ATP1B2: variants seen among roughly 807,000 people sequenced by gnomAD.
ATP1B2 encodes the protein sodium/potassium-transporting ATPase subunit beta-2.
Under a neutral mutation model 37.3 loss-of-function variants are expected in ATP1B2, and 12 were observed. The observed-to-expected ratio is 0.32, with a 90% CI of 0.21 to 0.52. The LOEUF is 0.52. Ranked by LOEUF, ATP1B2 falls within the 20% of genes least tolerant of loss-of-function variation. The pLI is 0.96. For missense variants in ATP1B2, 324 were observed against 391.6 expected (o/e 0.83, Z 1.46); for synonymous variants, 139 against 140.5 (o/e 0.99, Z 0.07).
rs1001012398 is a variant in ATP1B2 at position 7,655,724 on chromosome 17, G to C, written c.709-7G>C. The C allele has an allele frequency of 1.9e-6, 3 of 1,614,016 alleles. No homozygotes were observed. The South Asian group carries it at 3.3e-5, about 18-fold the overall frequency. ...GGCCTAGACCCTGCACTGCTCCTCC[G>C]GCCCAGGTGAACTACACACAGCCCC... On this transcript the variant is annotated splice_polypyrimidine_tract_variant and splice_region_variant and intron_variant, in intron 6 of 6. Coordinates refer to ENST00000250111, the MANE Select transcript of ATP1B2 (RefSeq NM_001678.5). The surrounding 1 kb of genome is among the most constrained non-coding windows in gnomAD (Gnocchi z 4.4).
chr17:7,647,812 C>G (rs2072583746), upstream of ATP1B2, among the ~76,000 whole-genome samples: 1 of 120,412 alleles, frequency 8.3e-6, no homozygotes, highest in Non-Finnish European at 1.9e-5. Flanking sequence ...GAGTGAGACT[C>G]CGTCTCAAAA....
Position 7,651,340 on chromosome 17 carries a change from C to T in ATP1B2, c.-179C>T, listed in dbSNP as rs544366370. The stretch of plus-strand genomic sequence containing the variant: ...CATCTTCCGCCGCGCTGCCAGCACC[C>T]CGCAGCGCGTGGTCGTGCACCCCGG... On this transcript the variant is annotated 5_prime_UTR_variant, in exon 1 of 7. Transcript: ENST00000250111. 24 of 604,678 alleles carry T rather than the reference C, an allele frequency of 4.0e-5. No homozygotes were observed. In the South Asian group the frequency reaches 4.6e-4, roughly 12 times the overall value. 37.5% of individuals were successfully genotyped at this position (604,678 alleles called of 1,614,324 possible). A position where few individuals can be genotyped will look rare whatever the true frequency, so the allele number is the denominator to read the frequency against.
In ATP1B2 at chr17:7,653,911, C is replaced by T. The variant is rs368146020; in HGVS notation, c.312C>T (p.Asp104=). ...IVNVSDTESW[D]QHVQKLNKFL... ...ATGTCAGTGACACTGAAAGCTGGGACCAGCATGTTCAGAAGCTCAACAAGT... is the reference window on the plus strand; with the variant it reads ...ATGTCAGTGACACTGAAAGCTGGGATCAGCATGTTCAGAAGCTCAACAAGT... The change falls in exon 3 of 7, where the codon GAC becomes GAT. Residue 104 remains aspartate (D), a synonymous_variant. Transcript: ENST00000250111. 10 of 1,614,020 alleles carry T rather than the reference C, an allele frequency of 6.2e-6. No individual in the cohort carries two copies. Among genetic ancestry groups the T allele is most frequent in the Non-Finnish European group, 8.5e-6 (10 of 1,180,038 alleles).
Position 7,651,581 on chromosome 17 carries a change from G to T in ATP1B2, c.63G>T (p.Val21=), listed in dbSNP as rs2072613165. Reference sequence around the variant, plus strand: ...TGGTTGAGGAGTGGAAGGAGTTCGTGTGGAACCCGAGGACGCACCAGTTTA... The same window carrying T: ...TGGTTGAGGAGTGGAAGGAGTTCGTTTGGAACCCGAGGACGCACCAGTTTA... ...GQVVEEWKEF[V]WNPRTHQFMG... is the part of the protein sequence containing the mutation. The change falls in exon 1 of 7, where the codon GTG becomes GTT. Residue 21 remains valine (V), a synonymous_variant. Coordinates refer to ENST00000250111, the MANE Select transcript of ATP1B2 (RefSeq NM_001678.5). 2 of 1,608,322 alleles carry T rather than the reference G, an allele frequency of 1.2e-6. No individual in the cohort carries two copies. Among genetic ancestry groups the T allele is most frequent in the East Asian group, 2.2e-5 (1 of 44,558 alleles).
In ATP1B2 at chr17:7,653,501, G is replaced by C; in HGVS notation, c.240G>C (p.Pro80=). ...AGTACCAGGACCGACTGGCCACACCGGGTGAGTGTGGAGGCTCCCCCTGCC... is the reference window on the plus strand; with the variant it reads ...AGTACCAGGACCGACTGGCCACACCCGGTGAGTGTGGAGGCTCCCCCTGCC... The part of the protein sequence containing the change: ...TPKYQDRLAT[P]GLMIRPKTEN... Residue 80 remains proline, a splice_region_variant and synonymous_variant, in exon 2 of 7, where the codon CCG becomes CCC. Coordinates refer to ENST00000250111, the MANE Select transcript of ATP1B2 (RefSeq NM_001678.5). The C allele has an allele frequency of 6.2e-7, 1 of 1,613,966 alleles. No homozygotes were observed. The highest frequency in any genetic ancestry group is 8.5e-7 in the Non-Finnish European group (1 of 1,179,950).
upstream of ATP1B2, among the ~76,000 whole-genome samples, chr17:7,647,406 A>G (rs1408674548): frequency 6.6e-6 from 1 of 152,212 alleles, no homozygotes; most frequent in Non-Finnish European, 1.5e-5. Flanking sequence ...TCACACCTGC[A>G]ATCCTAGCAC....
Position 7,655,421 on chromosome 17 carries a change from A to T in ATP1B2, c.610-106A>T, listed in dbSNP as rs546513369. The T allele has an allele frequency of 1.4e-5, 15 of 1,104,226 alleles. No homozygotes were observed. In the South Asian group the frequency reaches 1.9e-4, roughly 14 times the overall value. The allele number at this position is 1,104,226 out of a possible 1,614,324, so 68.4% of individuals were successfully genotyped here. A position where few individuals can be genotyped will look rare whatever the true frequency, so the allele number is the denominator to read the frequency against. ...CCAGGGAGGCAGACTTGAGACAGGA[A>T]TAATTGGGGCGAAGGAAGAACAAAA... is the stretch of plus-strand genomic sequence containing the variant. On this transcript the variant is annotated intron_variant, in intron 5 of 6. Coordinates refer to ENST00000250111, the MANE Select transcript of ATP1B2 (RefSeq NM_001678.5). The surrounding 1 kb of genome is among the most constrained non-coding windows in gnomAD (Gnocchi z 4.4).
At chr17:7,653,338 C>A in intron 1 of ATP1B2, 36 bp from the exon 2 acceptor site, 2 of 1,612,994 alleles carry the variant, frequency 1.2e-6, no homozygotes, top group Non-Finnish European at 1.7e-6. Context: ...ATGGTGGGAA[C>A]CTTGGGCCCT....
At position 7,651,346 on chromosome 17, in the gene ATP1B2, C is replaced by T; in HGVS notation, c.-173C>T. 1 of 612,398 alleles carries T rather than the reference C, an allele frequency of 1.6e-6. No individual in the cohort carries two copies. The highest frequency in any genetic ancestry group is 2.9e-6 in the Non-Finnish European group (1 of 346,986). 37.9% of individuals were successfully genotyped at this position (612,398 alleles called of 1,614,324 possible). On this transcript the variant is annotated 5_prime_UTR_variant, in exon 1 of 7. Transcript: ENST00000250111. ...CCGCCGCGCTGCCAGCACCCCGCAG[C>T]GCGTGGTCGTGCACCCCGGAATCTG...
intron 1 of ATP1B2, among the ~76,000 whole-genome samples, chr17:7,652,799 G>T (rs969182456): frequency 6.6e-6 from 1 of 152,154 alleles, no homozygotes; most frequent in African/African-American, 2.4e-5. Context: ...TGAACTGAGG[G>T]TGGGGTGACT....
chr17:7,653,325 G>A, intron 1 of ATP1B2, 49 bp from the exon 2 acceptor site: 1 of 1,612,002 alleles, frequency 6.2e-7, no homozygotes, highest in Non-Finnish European at 8.5e-7. Flanking sequence ...GATAGTTGAG[G>A]TTATGGTGGG....
chr17:7,651,096 G>C lies in ATP1B2; in HGVS notation c.-423G>C. The C allele has an allele frequency of 5.0e-6, 1 of 199,448 alleles. No individual in the cohort carries two copies. The highest frequency in any genetic ancestry group is 1.8e-4 in the East Asian group (1 of 5,626). The allele number at this position is 199,448 out of a possible 1,614,324, so 12.4% of individuals were successfully genotyped here. A position where few individuals can be genotyped will look rare whatever the true frequency, so the allele number is the denominator to read the frequency against. Reference sequence around the variant, plus strand: ...ACAGCTTCTTTGCATCTTGGATTTCGGGGCGGCCCCCTCCCCCACCTCTCT... The same window carrying C: ...ACAGCTTCTTTGCATCTTGGATTTCCGGGCGGCCCCCTCCCCCACCTCTCT... On this transcript the variant is annotated 5_prime_UTR_variant, in exon 1 of 7. Transcript: ENST00000250111.
chr17:7,649,122 G>A (rs1009671059), upstream of ATP1B2, among the ~76,000 whole-genome samples: 7 of 152,130 alleles, frequency 4.6e-5, no homozygotes, highest in East Asian at 1.9e-4. Context: ...ACACAATCTC[G>A]GCTCACTGCA....
intron 1 of ATP1B2, among the ~76,000 whole-genome samples, chr17:7,651,879 G>A (rs1251976569): frequency 9.2e-6 from 1 of 108,494 alleles, no homozygotes; most frequent in East Asian, 3.0e-4. Flanking sequence ...GGGGTCGCCA[G>A]CTCCGCCTGC....
chr17:7,655,364 A>G lies in ATP1B2; in HGVS notation c.610-163A>G, dbSNP rs1054845218. 7.8e-5 allele frequency: 51 copies of G among 649,874 alleles called. No homozygotes were observed. Among genetic ancestry groups the G allele is most frequent in the Non-Finnish European group, 1.3e-4 (47 of 371,758 alleles). 40.3% of individuals were successfully genotyped at this position (649,874 alleles called of 1,614,324 possible). ...AGACCATCCCCTCATCTACACACGC[A>G]CATGCAGACACACACACACAGACTC... On this transcript the variant is annotated intron_variant, in intron 5 of 6. Transcript: ENST00000250111. This position sits in a 1 kb window ranked among gnomAD's most constrained non-coding sequence, Gnocchi z 4.4.
upstream of ATP1B2, among the ~76,000 whole-genome samples, chr17:7,648,095 C>T (rs1192586147): frequency 6.6e-6 from 1 of 151,794 alleles, no homozygotes; most frequent in Non-Finnish European, 1.5e-5. Context: ...CAAAAATTAG[C>T]CGGGCATGGT....
In ATP1B2 at chr17:7,655,826, C is replaced by T. The variant is rs368978805; in HGVS notation, c.804C>T (p.Ile268=). Residue 268 remains isoleucine (I), a synonymous_variant, in exon 7 of 7, where the codon ATC becomes ATT. Coordinates refer to ENST00000250111, the MANE Select transcript of ATP1B2 (RefSeq NM_001678.5). The surrounding 1 kb of genome is among the most constrained non-coding windows in gnomAD (Gnocchi z 4.4). ...NVECRINAAN[I]ATDDERDKFA... ...AATGTCGCATCAACGCCGCCAACATCGCCACAGACGATGAGCGAGACAAGT... is the reference window on the plus strand; with the variant it reads ...AATGTCGCATCAACGCCGCCAACATTGCCACAGACGATGAGCGAGACAAGT... 272 of 1,614,116 alleles carry T rather than the reference C, an allele frequency of 1.7e-4. 2 individuals carry two copies. In the South Asian group the frequency reaches 2.6e-3, roughly 15 times the overall value.
chr17:7,655,599 T>C lies in ATP1B2; in HGVS notation c.682T>C (p.Phe228Leu). Residue 228 changes from phenylalanine to leucine, a missense_variant, in exon 6 of 7, where the codon TTC (phenylalanine) becomes CTC (leucine). Physicochemically the swap from Phe to Leu is conservative, Grantham distance 22. Coordinates refer to ENST00000250111, the MANE Select transcript of ATP1B2 (RefSeq NM_001678.5). This position sits in a 1 kb window ranked among gnomAD's most constrained non-coding sequence, Gnocchi z 4.4. ...CAACGGCAACATCGACCTCATGTAC[T>C]TCCCCTACTATGGCAAAAAGTTCCA... Reference protein sequence around the residue: ...PANGNIDLMYFPYYGKKFHVN... With the variant: ...PANGNIDLMYLPYYGKKFHVN... The C allele has an allele frequency of 6.2e-7, 1 of 1,614,166 alleles. No homozygotes were observed. Among genetic ancestry groups the C allele is most frequent in the Non-Finnish European group, 8.5e-7 (1 of 1,180,034 alleles).
chr17:7,651,833 C>T (rs533506221), intron 1 of ATP1B2, among the ~76,000 whole-genome samples: 2 of 152,196 alleles, frequency 1.3e-5, no homozygotes, highest in South Asian at 2.1e-4. Context: ...TAGGTCACAG[C>T]CGCCTTCCCG....
Sources: allele counts gnomAD v4.1 joint callset (sites outside exome capture counted in the v4.1 genomes callset), GRCh38; gene constraint gnomAD v4.1.1; non-coding constraint Gnocchi (gnomAD v3.1); transcripts MANE v1.5; gene names NCBI Gene and HGNC (gene_info 2026-07-23, HGNC 2026-07-21).